HBEGF: variants seen among roughly 807,000 people sequenced by gnomAD.
HBEGF encodes proheparin-binding EGF-like growth factor.
Under a neutral mutation model 19.5 loss-of-function variants are expected in HBEGF, and 8 were observed. The observed-to-expected ratio is 0.41, with a 90% CI of 0.24 to 0.74. HBEGF has a LOEUF of 0.74. Among genes scored for constraint, HBEGF ranks in the 30% least tolerant of loss-of-function variants. The pLI, the probability that HBEGF is intolerant of heterozygous loss-of-function variation, is 0.32. For missense variants in HBEGF, 207 were observed against 256.9 expected (o/e 0.81, Z 1.33); for synonymous variants, 97 against 108.9 (o/e 0.89, Z 0.68).
intron 4 of HBEGF, among the ~76,000 whole-genome samples, chr5:140,335,395 A>G (rs1401412624): frequency 1.3e-5 from 2 of 151,496 alleles, no homozygotes; most frequent in Non-Finnish European, 1.5e-5. Flanking sequence ...AAAAAAAAAA[A>G]AAAAAAAGAA....
Position 140,346,252 on chromosome 5 carries a change from C to G in HBEGF, c.46+31G>C. ...CCCCAGCACAACGCCCCCATCCCCCCGATCTCCGGGGGCGTCGGCAGCCCT... is the reference window on the plus strand; with the variant it reads ...CCCCAGCACAACGCCCCCATCCCCCGGATCTCCGGGGGCGTCGGCAGCCCT... On this transcript the variant is annotated intron_variant, in intron 1 of 5. Coordinates refer to ENST00000230990, the MANE Select transcript of HBEGF (RefSeq NM_001945.3). This position sits in a 1 kb window ranked among gnomAD's most constrained non-coding sequence, Gnocchi z 6.1. 1.3e-6 allele frequency: 2 copies of G among 1,590,658 alleles called. No homozygotes were observed. Among genetic ancestry groups the G allele is most frequent in the Non-Finnish European group, 1.7e-6 (2 of 1,169,724 alleles).
chr5:140,346,359 C>A lies in HBEGF; in HGVS notation c.-31G>T. 6.2e-7 allele frequency: 1 copy of A among 1,601,016 alleles called. No individual in the cohort carries two copies. On this transcript the variant is annotated 5_prime_UTR_variant, in exon 1 of 6. Coordinates refer to ENST00000230990, the MANE Select transcript of HBEGF (RefSeq NM_001945.3). This position sits in a 1 kb window ranked among gnomAD's most constrained non-coding sequence, Gnocchi z 6.1. ...CGCACCGAGAGGAGGCGGCGAGGCA[C>A]CAGTCACTTTCGAAGCGGCGGCCAC...
intron 3 of HBEGF, among the ~76,000 whole-genome samples, chr5:140,340,422 A>C (rs1766290024): frequency 6.6e-6 from 1 of 152,050 alleles, no homozygotes; most frequent in African/African-American, 2.4e-5. Context: ...TCTACTAAAA[A>C]TATAAAAATT....
chr5:140,342,140 T>C (rs1255180635), intron 3 of HBEGF, among the ~76,000 whole-genome samples: 1 of 152,200 alleles, frequency 6.6e-6, no homozygotes, highest in Non-Finnish European at 1.5e-5. Context: ...GATCCCTCTC[T>C]GTACAGTCCT....
At position 140,335,858 on chromosome 5, in the gene HBEGF, A is replaced by AT; in HGVS notation, c.554+13_554+14insA. On this transcript the variant is annotated intron_variant, in intron 4 of 5. Transcript: ENST00000230990. ...GATTTGCAGAAACAGCCTGCAGGGGACCCCAACACTCACCTAAACATGAGA... is the reference window on the plus strand; with the variant it reads ...GATTTGCAGAAACAGCCTGCAGGGGATCCCCAACACTCACCTAAACATGAGA... 6.2e-7 allele frequency: 1 copy of AT among 1,612,350 alleles called. No individual in the cohort carries two copies. Among genetic ancestry groups the AT allele is most frequent in the Non-Finnish European group, 8.5e-7 (1 of 1,179,226 alleles).
Position 140,333,946 on chromosome 5 carries a change from T to A in HBEGF, c.*353A>T, listed in dbSNP as rs77882464. The A allele has an allele frequency of 6.6e-6, 1 of 152,570 alleles. No individual in the cohort carries two copies. Among genetic ancestry groups the A allele is most frequent in the East Asian group, 1.9e-4 (1 of 5,200 alleles). The allele number at this position is 152,570 out of a possible 1,614,324, so 9.5% of individuals were successfully genotyped here. On this transcript the variant is annotated 3_prime_UTR_variant, in exon 6 of 6. Coordinates refer to ENST00000230990, the MANE Select transcript of HBEGF (RefSeq NM_001945.3). The stretch of plus-strand genomic sequence containing the variant: ...TCCTTCTTCTTCTTCTTTTTTTTTT[T>A]CAGTCAAAGATCCTGGAGCATATGG...
rs975693817 is a variant in HBEGF at position 140,346,487 on chromosome 5, C to A, written c.-159G>T. On this transcript the variant is annotated 5_prime_UTR_variant, in exon 1 of 6. Transcript: ENST00000230990. This position sits in a 1 kb window ranked among gnomAD's most constrained non-coding sequence, Gnocchi z 6.1. ...AAGCCTGGCCGGGACCCAGGCGCAG[C>A]TCGCTCTTCTTGAGTGTCTTGTCTT... 6.4e-6 allele frequency: 5 copies of A among 785,908 alleles called. No individual in the cohort carries two copies. Among genetic ancestry groups the A allele is most frequent in the South Asian group, 3.2e-5 (2 of 63,052 alleles). 48.7% of individuals were successfully genotyped at this position (785,908 alleles called of 1,614,324 possible).
At chr5:140,337,472 G>A (rs1470084427) in intron 3 of HBEGF, among the ~76,000 whole-genome samples, 1 of 152,166 alleles carries the variant, frequency 6.6e-6, no homozygotes, top group Non-Finnish European at 1.5e-5. Flanking sequence ...CCAAGAACCT[G>A]GTGGCCCTCT....
In HBEGF at chr5:140,346,266, G is replaced by A; in HGVS notation, c.46+17C>T. On this transcript the variant is annotated intron_variant, in intron 1 of 5. Coordinates refer to ENST00000230990, the MANE Select transcript of HBEGF (RefSeq NM_001945.3). This position sits in a 1 kb window ranked among gnomAD's most constrained non-coding sequence, Gnocchi z 6.1. ...CCCCATCCCCCCGATCTCCGGGGGC[G>A]TCGGCAGCCCTCTTACCTGCAGCCA... is the stretch of plus-strand genomic sequence containing the variant. 6.3e-7 allele frequency: 1 copy of A among 1,599,866 alleles called. No individual in the cohort carries two copies. Among genetic ancestry groups the A allele is most frequent in the Admixed American group, 1.7e-5 (1 of 58,626 alleles).
intron 3 of HBEGF, among the ~76,000 whole-genome samples, chr5:140,339,859 C>T (rs1157402108): frequency 1.3e-5 from 2 of 152,180 alleles, no homozygotes; most frequent in Non-Finnish European, 2.9e-5. Context: ...AAACAAGAGC[C>T]ACAAAGATCC....
At chr5:140,334,403 G>A (rs1766196864) in intron 5 of HBEGF, 123 bp from the exon 6 acceptor site, 1 of 477,218 alleles carries the variant, frequency 2.1e-6, no homozygotes, top group African/African-American at 2.0e-5. Context: ...TCTCCCAGGG[G>A]AGGAGAGGGG....
intron 3 of HBEGF, among the ~76,000 whole-genome samples, chr5:140,338,605 A>G (rs967850413): frequency 2.0e-5 from 3 of 152,204 alleles, no homozygotes; most frequent in Non-Finnish European, 4.4e-5. Flanking sequence ...CCCTGAGTCA[A>G]AAGGATAATA....
chr5:140,344,236 A>G (rs1766359446), intron 2 of HBEGF, among the ~76,000 whole-genome samples: 1 of 151,804 alleles, frequency 6.6e-6, no homozygotes, highest in Non-Finnish European at 1.5e-5. Context: ...TCTGGACTTC[A>G]CTCCAATGTC....
intron 2 of HBEGF, among the ~76,000 whole-genome samples, chr5:140,345,328 G>A (rs868258817): frequency 6.6e-6 from 1 of 152,120 alleles, no homozygotes; most frequent in Admixed American, 6.5e-5. Flanking sequence ...GCAGGTTTCC[G>A]GTAGCATTCA....
chr5:140,346,082 G>T lies in HBEGF; in HGVS notation c.49C>A (p.Leu17Ile). The T allele has an allele frequency of 6.2e-7, 1 of 1,611,496 alleles. No homozygotes were observed. Among genetic ancestry groups the T allele is most frequent in the Non-Finnish European group, 8.5e-7 (1 of 1,178,704 alleles). Residue 17 changes from leucine to isoleucine, a missense_variant and splice_region_variant, in exon 2 of 6, where the codon CTC becomes ATC. Physicochemically the swap from Leu to Ile is conservative, Grantham distance 5 (BLOSUM62 2). Coordinates refer to ENST00000230990, the MANE Select transcript of HBEGF (RefSeq NM_001945.3). The surrounding 1 kb of genome is among the most constrained non-coding windows in gnomAD (Gnocchi z 6.1). ...VVLKLFLAAV[L>I]SALVTGESLE... is the part of the protein sequence containing the mutation. ...CTCTCGCCAGTCACCAGTGCCGAGAGAACTGCGGGCGAGAGGCCAGGCCGC... is the reference window on the plus strand; with the variant it reads ...CTCTCGCCAGTCACCAGTGCCGAGATAACTGCGGGCGAGAGGCCAGGCCGC...
At chr5:140,334,802 T>C in intron 4 of HBEGF, 54 bp from the exon 5 acceptor site, 1 of 1,370,272 alleles carries the variant, frequency 7.3e-7, no homozygotes, top group East Asian at 2.3e-5. Context: ...AAAGTGCAGG[T>C]CCAGAGCAGG....
intron 4 of HBEGF, 50 bp downstream of exon 4, chr5:140,335,822 A>G: frequency 6.3e-7 from 1 of 1,593,498 alleles, no homozygotes; most frequent in South Asian, 1.1e-5. Context: ...AGGAGGAGGA[A>G]GAAAGGGAGT....
rs1282740737 is a variant in HBEGF at position 140,333,003 on chromosome 5, G to A, written c.*1296C>T. The A allele has an allele frequency of 6.6e-6, 1 of 152,606 alleles. No homozygotes were observed. Among genetic ancestry groups the A allele is most frequent in the Admixed American group, 6.5e-5 (1 of 15,282 alleles). 9.5% of individuals were successfully genotyped at this position (152,606 alleles called of 1,614,324 possible). On this transcript the variant is annotated 3_prime_UTR_variant, in exon 6 of 6. Transcript: ENST00000230990. Reference sequence around the variant, plus strand: ...GGTGAGGTGGGTGGGATTATACAAAGCCTTCCCCACCTCCAACCTTCTCGG... The same window carrying A: ...GGTGAGGTGGGTGGGATTATACAAAACCTTCCCCACCTCCAACCTTCTCGG...
chr5:140,343,338 G>A (rs977196307), intron 2 of HBEGF, among the ~76,000 whole-genome samples: 1 of 152,168 alleles, frequency 6.6e-6, no homozygotes, highest in African/African-American at 2.4e-5. Context: ...ATGTGTTCAG[G>A]TGGTCTCTTC....
Sources: allele counts gnomAD v4.1 joint callset (sites outside exome capture counted in the v4.1 genomes callset), GRCh38; gene constraint gnomAD v4.1.1; non-coding constraint Gnocchi (gnomAD v3.1); transcripts MANE v1.5; gene names NCBI Gene and HGNC (gene_info 2026-07-23, HGNC 2026-07-21).